The following TRIM2 variants were observed in gnomAD, a reference collection of about 807,000 sequenced individuals.
TRIM2 encodes tripartite motif-containing protein 2.
TRIM2 carries 20 observed loss-of-function variants against 75.2 expected under a neutral mutation model. The observed-to-expected ratio is 0.27, with a 90% confidence interval of 0.19 to 0.39. TRIM2 has a LOEUF of 0.39. Ranked by LOEUF, TRIM2 falls within the 10% of genes least tolerant of loss-of-function variation. The pLI is 1.00. For synonymous variants in TRIM2, 373 were observed against 388.3 expected (o/e 0.96, Z 0.46); for missense variants, 660 against 990.8 (o/e 0.67, Z 4.48).
At chr4:153,169,927 G>A (rs532608727) in intron 1 of TRIM2, among the ~76,000 whole-genome samples, 129 of 152,116 alleles carry the variant, frequency 8.5e-4, no homozygotes, top group African/African-American at 2.8e-3. Context: ...CACAATGGCC[G>A]TCTACACAAT....
chr4:153,328,564 T>A lies in TRIM2; in HGVS notation c.2057T>A (p.Phe686Tyr). The A allele has an allele frequency of 8.1e-6, 13 of 1,613,066 alleles. No homozygotes were observed. Among genetic ancestry groups the A allele is most frequent in the Non-Finnish European group, 1.1e-5 (13 of 1,179,608 alleles). ...CAGGAAGGAGAATTCATGTTGAAGT[T>A]TGGCTCAAATGGAGAAGGAAATGGG... ...FNQEGEFMLK[F>Y]GSNGEGNGQF... Residue 686 changes from phenylalanine to tyrosine, a missense_variant, in exon 11 of 12, where the codon TTT (phenylalanine) becomes TAT (tyrosine). Coordinates refer to ENST00000338700, the MANE Select transcript of TRIM2 (RefSeq NM_015271.5).
intron 1 of TRIM2, among the ~76,000 whole-genome samples, chr4:153,243,303 T>G (rs1443422176): frequency 1.3e-5 from 2 of 152,178 alleles, no homozygotes; most frequent in Non-Finnish European, 2.9e-5. Flanking sequence ...TTCAGGTTGT[T>G]GGGTTTAAAA....
At chr4:153,233,457 G>C (rs546425442) in intron 1 of TRIM2, among the ~76,000 whole-genome samples, 2 of 152,288 alleles carry the variant, frequency 1.3e-5, no homozygotes, top group East Asian at 3.9e-4. Context: ...GTTCAATTCT[G>C]TGAATTTTGA....
chr4:153,163,495 C>A (rs113598689), intron 1 of TRIM2, among the ~76,000 whole-genome samples: 1,457 of 98,786 alleles, frequency 0.015, 91 homozygotes, highest in African/African-American at 0.031. Flanking sequence ...AGATTTACAT[C>A]TTTTTTTTTT....
chr4:153,336,692 T>C lies in TRIM2; in HGVS notation c.*1726T>C. The C allele has an allele frequency of 1.0e-6, 1 of 985,032 alleles. No homozygotes were observed. Among genetic ancestry groups the C allele is most frequent in the African/African-American group, 1.7e-5 (1 of 57,350 alleles). 61.0% of individuals were successfully genotyped at this position (985,032 alleles called of 1,614,324 possible). A position where few individuals can be genotyped will look rare whatever the true frequency, so the allele number is the denominator to read the frequency against. On this transcript the variant is annotated 3_prime_UTR_variant, in exon 12 of 12. Transcript: ENST00000338700. ...GTGATGTTTATTGCTTATTAATTTA[T>C]AATTCAGTCATTCTCTATATAGGAC...
At chr4:153,281,510 G>T (rs1240372121) in intron 3 of TRIM2, among the ~76,000 whole-genome samples, 1 of 152,226 alleles carries the variant, frequency 6.6e-6, no homozygotes, top group Admixed American at 6.5e-5. Flanking sequence ...AGTCTTCATT[G>T]CATATTCAAG....
At chr4:153,329,358 A>G (rs1770936486) in intron 11 of TRIM2, among the ~76,000 whole-genome samples, 1 of 152,096 alleles carries the variant, frequency 6.6e-6, no homozygotes, top group African/African-American at 2.4e-5. Flanking sequence ...TATTGGACTG[A>G]ATGAAAATGC....
chr4:153,170,695 G>A (rs546595663), intron 1 of TRIM2, among the ~76,000 whole-genome samples: 15 of 152,264 alleles, frequency 9.9e-5, no homozygotes, highest in African/African-American at 3.1e-4. Context: ...CCTACTCAGA[G>A]GCCCTGTATA....
At chr4:153,193,367 G>A (rs10031643) in intron 1 of TRIM2, among the ~76,000 whole-genome samples, 47 of 151,948 alleles carry the variant, frequency 3.1e-4, no homozygotes, top group African/African-American at 5.6e-4. Context: ...TCCTGACCTC[G>A]TGATCCGCCC....
In TRIM2 at chr4:153,290,275, T is replaced by G. The variant is rs116144848; in HGVS notation, c.454-2707T>G. The stretch of plus-strand genomic sequence containing the variant: ...TTAAGAATTTTTTTCTAATAACAAG[T>G]AAAATATTTATGATATGAGGCTTAT... On this transcript the variant is annotated intron_variant, in intron 3 of 11. Transcript: ENST00000338700. Among the ~76,000 whole-genome samples, 489 of 152,300 alleles carry G rather than the reference T, an allele frequency of 3.2e-3. 1 individual carries two copies. The highest frequency in any genetic ancestry group is 0.011 in the African/African-American group (448 of 41,566).
intron 1 of TRIM2, chr4:153,257,687 T>C: frequency 1.0e-6 from 1 of 980,038 alleles, no homozygotes; most frequent in Non-Finnish European, 1.4e-6. Flanking sequence ...TTCTTTTGGA[T>C]TGCCGCGTAG....
chr4:153,224,214 A>G (rs183876753), intron 1 of TRIM2, among the ~76,000 whole-genome samples: 3 of 152,362 alleles, frequency 2.0e-5, no homozygotes, highest in South Asian at 4.1e-4. Flanking sequence ...AACTAGAGAT[A>G]GAAAGTACTT....
At chr4:153,318,059 T>C (rs1768085016) in intron 8 of TRIM2, among the ~76,000 whole-genome samples, 1 of 152,250 alleles carries the variant, frequency 6.6e-6, no homozygotes, top group African/African-American at 2.4e-5. Context: ...AATGTTCTTT[T>C]CCATGCCGCT....
intron 4 of TRIM2, among the ~76,000 whole-genome samples, 187 bp from the exon 5 acceptor site, chr4:153,294,118 C>T (rs1399402451): frequency 7.0e-6 from 1 of 142,356 alleles, no homozygotes; most frequent in Non-Finnish European, 1.6e-5. Context: ...TTGATTGTCT[C>T]TGAAGAGACA....
chr4:153,224,105 T>G (rs1281937162), intron 1 of TRIM2, among the ~76,000 whole-genome samples: 1 of 152,158 alleles, frequency 6.6e-6, no homozygotes, highest in African/African-American at 2.4e-5. Context: ...CTCTCAAATT[T>G]CCACTTGATT....
At chr4:153,318,812 A>G (rs1579680770) in intron 8 of TRIM2, among the ~76,000 whole-genome samples, 1 of 152,206 alleles carries the variant, frequency 6.6e-6, no homozygotes, top group Admixed American at 6.5e-5. Flanking sequence ...TCTATCTGTA[A>G]TAGACACTCT....
intron 11 of TRIM2, 49 bp downstream of exon 11, chr4:153,328,719 A>C: frequency 6.7e-7 from 1 of 1,499,336 alleles, no homozygotes; most frequent in South Asian, 1.4e-5. Flanking sequence ...GTATTTGTTA[A>C]AAGTGAAGAA....
rs374337122 is a variant in TRIM2, at chr4:153,294,282, G to A, written c.606-23G>A. 1.4e-5 allele frequency: 22 copies of A among 1,606,898 alleles called. No individual in the cohort carries two copies. The East Asian group carries it at 1.6e-4, about 11-fold the overall frequency. On this transcript the variant is annotated intron_variant, in intron 4 of 11. Coordinates refer to ENST00000338700, the MANE Select transcript of TRIM2 (RefSeq NM_015271.5). ...TATTTCTGGGTTGAGGTTAAATAAC[G>A]ACCTTTAACAACTGTCCACCAGGCT... is the stretch of plus-strand genomic sequence containing the variant.
At chr4:153,272,040 G>A (rs1275395835) in intron 2 of TRIM2, among the ~76,000 whole-genome samples, 2 of 152,180 alleles carry the variant, frequency 1.3e-5, no homozygotes, top group African/African-American at 4.8e-5. Context: ...CCACCCAATA[G>A]CTGGTGGTAG....
Sources: gnomAD v4.1 joint callset for allele counts (sites outside exome capture counted in the v4.1 genomes callset) on GRCh38, gnomAD v4.1.1 for gene constraint, MANE v1.5 for transcripts, NCBI Gene and HGNC (gene_info 2026-07-23, HGNC 2026-07-21) for gene names.